Variants in MAGI3 observed in about 807,000 individuals in gnomAD.
MAGI3 encodes membrane-associated guanylate kinase, WW and PDZ domain-containing protein 3.
A neutral mutation model predicts 121.8 loss-of-function variants in MAGI3; 43 were observed. The ratio of observed to expected loss-of-function variants is 0.35; its 90% CI spans 0.28 to 0.46. The LOEUF (loss-of-function observed/expected upper bound fraction) is 0.46. MAGI3 is among the 20% of genes least tolerant of loss of function. The pLI is 1.00. For missense variants in MAGI3, 1,547 were observed against 1,797.3 expected (o/e 0.86, Z 2.52); for synonymous variants, 553 against 639.3 (o/e 0.86, Z 2.04).
intron 9 of MAGI3, among the ~76,000 whole-genome samples, chr1:113,625,420 GGTTAA>G (rs762549379): frequency 1.1e-4 from 16 of 151,992 alleles, no homozygotes; most frequent in African/African-American, 3.6e-4. Context: ...TCGCTTCTTT[GGTTAA>G]GTTAATTCCT....
intron 3 of MAGI3, 90 bp downstream of exon 3, chr1:113,580,751 T>C (rs577179577): frequency 1.9e-5 from 24 of 1,293,130 alleles, no homozygotes; most frequent in Non-Finnish European, 2.4e-5. Flanking sequence ...AAAGTACCAC[T>C]TTTTGAAAAA....
chr1:113,452,130 T>C (rs760768304), intron 1 of MAGI3, among the ~76,000 whole-genome samples: 1 of 152,154 alleles, frequency 6.6e-6, no homozygotes, highest in African/African-American at 2.4e-5. Context: ...TTGATTCCTT[T>C]TTGTTTTTTT....
chr1:113,478,789 G>GAC (rs1343525176), intron 1 of MAGI3, among the ~76,000 whole-genome samples: 1 of 152,206 alleles, frequency 6.6e-6, no homozygotes, highest in Non-Finnish European at 1.5e-5. Context: ...AGAGCTGTCA[G>GAC]ACAGGGACAT....
chr1:113,505,055 A>T (rs916245984), intron 1 of MAGI3, among the ~76,000 whole-genome samples: 1 of 152,070 alleles, frequency 6.6e-6, no homozygotes, highest in Non-Finnish European at 1.5e-5. Context: ...GGCAGTATGT[A>T]GCAAAAGAGA....
chr1:113,543,621 A>T (rs776028561), intron 1 of MAGI3, among the ~76,000 whole-genome samples: 2 of 152,128 alleles, frequency 1.3e-5, no homozygotes, highest in Non-Finnish European at 2.9e-5. Context: ...CCCAGCCAGC[A>T]CTTTGGGAGT....
chr1:113,429,991 AAGTGAAACACTT>A (rs760737604), intron 1 of MAGI3, among the ~76,000 whole-genome samples: 3 of 152,074 alleles, frequency 2.0e-5, no homozygotes, highest in South Asian at 2.1e-4. Context: ...CAGAAACACT[AAGTGAAACACTT>A]AGTGAAACAC....
rs1278926605 is a variant in MAGI3 at position 113,391,363 on chromosome 1, G to A, written c.316+14G>A. ...CTGTGAAACCAGGTACGCCGGCCCT[G>A]CGTATCTGTCTCGGGGTGTTGGGGA... On this transcript the variant is annotated intron_variant, in intron 1 of 20. Coordinates refer to ENST00000307546, the MANE Select transcript of MAGI3 (RefSeq NM_001142782.2). The surrounding 1 kb of genome is among the most constrained non-coding windows in gnomAD (Gnocchi z 4.4). 1 of 1,579,518 alleles carries A rather than the reference G, an allele frequency of 6.3e-7. No individual in the cohort carries two copies. The highest frequency in any genetic ancestry group is 1.4e-5 in the African/African-American group (1 of 73,964).
intron 9 of MAGI3, among the ~76,000 whole-genome samples, chr1:113,637,123 C>G (rs1362284942): frequency 1.3e-5 from 2 of 152,066 alleles, no homozygotes; most frequent in East Asian, 1.9e-4. Flanking sequence ...CTATGTGTGT[C>G]TCTGCACGTG....
At chr1:113,615,110 A>G (rs917761937) in intron 7 of MAGI3, among the ~76,000 whole-genome samples, 2 of 152,188 alleles carry the variant, frequency 1.3e-5, no homozygotes, top group African/African-American at 4.8e-5. Context: ...TTAAGGAGTT[A>G]TTCAAGGAAA....
intron 9 of MAGI3, among the ~76,000 whole-genome samples, chr1:113,633,774 T>C (rs1212320381): frequency 6.6e-6 from 1 of 152,178 alleles, no homozygotes; most frequent in African/African-American, 2.4e-5. Flanking sequence ...CTGGGTCAAA[T>C]GGTATTTCTA....
chr1:113,448,858 G>GT (rs1654312706), intron 1 of MAGI3, among the ~76,000 whole-genome samples: 1 of 152,096 alleles, frequency 6.6e-6, no homozygotes, highest in Non-Finnish European at 1.5e-5. Context: ...AGTGGATCAC[G>GT]CCTGTAATTC....
At chr1:113,542,039 G>T (rs997148450) in intron 1 of MAGI3, among the ~76,000 whole-genome samples, 4 of 152,090 alleles carry the variant, frequency 2.6e-5, no homozygotes, top group Non-Finnish European at 5.9e-5. Context: ...ATGGCACTTA[G>T]TGAAGTCTTC....
chr1:113,623,922 A>G (rs1651048238), intron 9 of MAGI3, among the ~76,000 whole-genome samples: 1 of 152,010 alleles, frequency 6.6e-6, no homozygotes, highest in Admixed American at 6.6e-5. Flanking sequence ...AGTTGTTTTA[A>G]TTTTTAGCAT....
intron 1 of MAGI3, among the ~76,000 whole-genome samples, chr1:113,487,029 G>A (rs755877898): frequency 9.2e-5 from 14 of 152,098 alleles, no homozygotes; most frequent in South Asian, 2.1e-4. Context: ...CTTGAGGTAC[G>A]AATTAGGGGA....
Position 113,391,604 on chromosome 1 carries a change from G to A in MAGI3, c.316+255G>A, listed in dbSNP as rs764269168. Among the ~76,000 whole-genome samples, 1 of 152,106 alleles carries A rather than the reference G, an allele frequency of 6.6e-6. No individual in the cohort carries two copies. The highest frequency in any genetic ancestry group is 6.5e-5 in the Admixed American group (1 of 15,278). Reference sequence around the variant, plus strand: ...GTCACAGAATTGCGACTAGAAGCTGGGTTTCCTACATTTGTAGCTCCATCT... The same window carrying A: ...GTCACAGAATTGCGACTAGAAGCTGAGTTTCCTACATTTGTAGCTCCATCT... On this transcript the variant is annotated intron_variant, in intron 1 of 20. Coordinates refer to ENST00000307546, the MANE Select transcript of MAGI3 (RefSeq NM_001142782.2). The surrounding 1 kb of genome is among the most constrained non-coding windows in gnomAD (Gnocchi z 4.4).
rs545749353 is a variant in MAGI3, at chr1:113,420,651, T to A, written c.316+29302T>A. Among the ~76,000 whole-genome samples the A allele has an allele frequency of 1.2e-4, 19 of 152,260 alleles. No individual in the cohort carries two copies. The South Asian group carries it at 2.9e-3, about 23-fold the overall frequency. On this transcript the variant is annotated intron_variant, in intron 1 of 20. Coordinates refer to ENST00000307546, the MANE Select transcript of MAGI3 (RefSeq NM_001142782.2). ...ACTTTTCCAAATAGGAGAAAAAAAA[T>A]TTTTTGGAATTTAACAGGCCTATGT...
intron 9 of MAGI3, 101 bp from the exon 10 acceptor site, chr1:113,641,810 T>A (rs1486969740): frequency 4.4e-6 from 5 of 1,143,758 alleles, no homozygotes; most frequent in Non-Finnish European, 6.0e-6. Flanking sequence ...GTTTCCAAAA[T>A]TCAAATTTAG....
intron 1 of MAGI3, among the ~76,000 whole-genome samples, chr1:113,493,150 G>T (rs533223510): frequency 4.6e-5 from 7 of 152,102 alleles, no homozygotes; most frequent in Non-Finnish European, 1.0e-4. Flanking sequence ...GTACTACAGG[G>T]CTACAGTAAC....
intron 1 of MAGI3, among the ~76,000 whole-genome samples, chr1:113,416,031 A>G (rs1652294448): frequency 6.7e-6 from 1 of 149,592 alleles, no homozygotes; most frequent in East Asian, 1.9e-4. Flanking sequence ...AATTAATGAC[A>G]CATATTAATT....
Sources: gnomAD v4.1 joint callset for allele counts (sites outside exome capture counted in the v4.1 genomes callset) on GRCh38, gnomAD v4.1.1 for gene constraint, Gnocchi (gnomAD v3.1) non-coding constraint, MANE v1.5 for transcripts, NCBI Gene and HGNC (gene_info 2026-07-23, HGNC 2026-07-21) for gene names.